RGL1: variants seen among roughly 807,000 people sequenced by gnomAD.
RGL1 encodes the protein ral guanine nucleotide dissociation stimulator-like 1.
RGL1 carries 24 observed loss-of-function variants against 95.2 expected under a neutral mutation model. The ratio of observed to expected loss-of-function variants is 0.25; its 90% CI spans 0.18 to 0.35. RGL1 has a LOEUF of 0.35. Ranked by LOEUF, RGL1 falls within the 10% of genes least tolerant of loss-of-function variation. The probability of loss-of-function intolerance (pLI) is 1.00; values close to 1 mark genes in which losing one functional copy is unlikely to be tolerated. For missense variants in RGL1, 715 were observed against 936.3 expected, an observed-to-expected ratio of 0.76 and a Z score of 3.08; for synonymous variants, 329 against 344.9, an observed-to-expected ratio of 0.95 and a Z score of 0.51.
At chr1:183,751,206 T>A (rs916127450) in intron 2 of RGL1, among the ~76,000 whole-genome samples, 1 of 151,978 alleles carries the variant, frequency 6.6e-6, no homozygotes, top group African/African-American at 2.4e-5. Flanking sequence ...AGATGGGAGT[T>A]TTTTCTATAC....
intron 15 of RGL1, among the ~76,000 whole-genome samples, chr1:183,915,665 G>A (rs1047419180): frequency 1.3e-5 from 2 of 152,262 alleles, no homozygotes; most frequent in African/African-American, 4.8e-5. Context: ...TCACAAGACA[G>A]TTGTGGAATT....
chr1:183,872,675 A>G (rs939833368), intron 4 of RGL1, among the ~76,000 whole-genome samples: 2 of 152,236 alleles, frequency 1.3e-5, no homozygotes, highest in Admixed American at 1.3e-4. Context: ...AGAGAAAGGA[A>G]AGGAGTTAAA....
At chr1:183,703,998 T>C (rs1417907976) in intron 1 of RGL1, among the ~76,000 whole-genome samples, 1 of 152,180 alleles carries the variant, frequency 6.6e-6, no homozygotes, top group Non-Finnish European at 1.5e-5. Flanking sequence ...GAAGCGCCCT[T>C]CCTTGACCTA....
chr1:183,715,360 CATTGTTGGTGAACTG>C (rs1218688117), intron 1 of RGL1, among the ~76,000 whole-genome samples: 52 of 152,220 alleles, frequency 3.4e-4, no homozygotes, highest in African/African-American at 2.6e-4. Context: ...AACCTCACCT[CATTGTTGGTGAACTG>C]ATTGTTGGTG....
At chr1:183,901,165 G>A (rs1245901965) in intron 11 of RGL1, among the ~76,000 whole-genome samples, 1 of 152,054 alleles carries the variant, frequency 6.6e-6, no homozygotes, top group Non-Finnish European at 1.5e-5. Context: ...CGGGCATGGT[G>A]ACACATGCCT....
chr1:183,720,301 C>T (rs1655940257), intron 1 of RGL1, among the ~76,000 whole-genome samples: 1 of 152,192 alleles, frequency 6.6e-6, no homozygotes, highest in Admixed American at 6.5e-5. Context: ...GTGCCTGGCT[C>T]CTAAAAAACA....
intron 2 of RGL1, among the ~76,000 whole-genome samples, chr1:183,811,984 C>A (rs530958542): frequency 5.9e-5 from 9 of 152,228 alleles, no homozygotes; most frequent in African/African-American, 2.2e-4. Flanking sequence ...AAATACTGTG[C>A]CTTTCCACTT....
At chr1:183,639,032 C>A (rs1360793520) in intron 1 of RGL1, among the ~76,000 whole-genome samples, 1 of 152,176 alleles carries the variant, frequency 6.6e-6, no homozygotes, top group African/African-American at 2.4e-5. Context: ...GTAATCCCAG[C>A]ACTTTGGGAA....
chr1:183,850,356 G>C (rs191724178), intron 3 of RGL1, among the ~76,000 whole-genome samples: 1 of 150,404 alleles, frequency 6.6e-6, no homozygotes, highest in Non-Finnish European at 1.5e-5. Context: ...TTTTTATAAC[G>C]ACATTAACAT....
intron 1 of RGL1, among the ~76,000 whole-genome samples, chr1:183,739,722 T>A (rs1657169175): frequency 1.3e-5 from 2 of 152,170 alleles, no homozygotes; most frequent in Non-Finnish European, 2.9e-5. Flanking sequence ...CTCTCTTGAG[T>A]CCCTCCTTAG....
At chr1:183,808,514 T>A (rs1661490832) in intron 2 of RGL1, among the ~76,000 whole-genome samples, 1 of 151,474 alleles carries the variant, frequency 6.6e-6, no homozygotes, top group Non-Finnish European at 1.5e-5. Context: ...AAGTTCTGTT[T>A]TTGTCCTTGA....
intron 1 of RGL1, among the ~76,000 whole-genome samples, chr1:183,700,834 G>A (rs1293969990): frequency 2.0e-5 from 3 of 152,052 alleles, no homozygotes; most frequent in South Asian, 2.1e-4. Flanking sequence ...TTGAGCCACC[G>A]TGCCTGGCCT....
chr1:183,803,600 A>T (rs944441325), upstream of RGL1, among the ~76,000 whole-genome samples: 2 of 152,160 alleles, frequency 1.3e-5, no homozygotes. Flanking sequence ...GTTTCCTGGG[A>T]GAGTGAGGTT....
At chr1:183,672,035 C>T (rs1433444857) in intron 1 of RGL1, among the ~76,000 whole-genome samples, 3 of 151,356 alleles carry the variant, frequency 2.0e-5, no homozygotes, top group African/African-American at 2.4e-5. Flanking sequence ...CAGGTTCAAG[C>T]GATTCTCCTA....
intron 4 of RGL1, among the ~76,000 whole-genome samples, chr1:183,871,862 C>A (rs1395118779): frequency 2.0e-5 from 3 of 152,170 alleles, no homozygotes; most frequent in Non-Finnish European, 4.4e-5. Context: ...ATGTCAGGAC[C>A]CTCTAAAGTT....
At chr1:183,922,167 TCCCTCAGGAAACGTGAAGC>T in intron 16 of RGL1, 36 bp from the exon 17 acceptor site, 1 of 1,412,150 alleles carries the variant, frequency 7.1e-7, no homozygotes, top group Non-Finnish European at 1.0e-6. Flanking sequence ...TCAGGAGAAC[TCCCTCAGGAAACGTGAAGC>T]TAAGTACTTT....
chr1:183,672,541 A>G (rs1246799533), intron 1 of RGL1, among the ~76,000 whole-genome samples: 1 of 152,100 alleles, frequency 6.6e-6, no homozygotes, highest in Non-Finnish European at 1.5e-5. Context: ...CATTCTAGTT[A>G]ATTTCTCCGG....
intron 2 of RGL1, among the ~76,000 whole-genome samples, chr1:183,767,782 A>G (rs1659058621): frequency 6.6e-6 from 1 of 152,018 alleles, no homozygotes; most frequent in Admixed American, 6.5e-5. Context: ...GTGAAACCCC[A>G]TCTCTACTAA....
At chr1:183,828,098 T>TA (rs1662998571) in intron 2 of RGL1, among the ~76,000 whole-genome samples, 1 of 152,208 alleles carries the variant, frequency 6.6e-6, no homozygotes, top group African/African-American at 2.4e-5. Flanking sequence ...AACTTTTTTT[T>TA]AATAGGAGAG....
Sources: gnomAD v4.1 joint callset for allele counts (sites outside exome capture counted in the v4.1 genomes callset) on GRCh38, gnomAD v4.1.1 for gene constraint, MANE v1.5 for transcripts, NCBI Gene and HGNC (gene_info 2026-07-23, HGNC 2026-07-21) for gene names.